Variants in KIAA0513 observed in about 807,000 individuals in gnomAD.
The protein encoded by KIAA0513 is KIAA0513.
A neutral mutation model predicts 56.5 loss-of-function variants in KIAA0513; 39 were observed. The observed-to-expected ratio is 0.69, with a 90% CI of 0.53 to 0.90. KIAA0513 has a LOEUF of 0.90. Among genes scored for constraint, KIAA0513 ranks in the 40% least tolerant of loss-of-function variants. The pLI, the probability that KIAA0513 is intolerant of heterozygous loss-of-function variation, is 0.00. For missense variants in KIAA0513, 591 were observed against 535.2 expected, an observed-to-expected ratio of 1.10 and a Z score of -1.03; for synonymous variants, 268 against 215.6, an observed-to-expected ratio of 1.24 and a Z score of -2.13.
At chr16:85,034,993 C>A (rs2073015076) in intron 1 of KIAA0513, among the ~76,000 whole-genome samples, 1 of 152,196 alleles carries the variant, frequency 6.6e-6, no homozygotes, top group Non-Finnish European at 1.5e-5. Flanking sequence ...GGGCGCTGGG[C>A]CCCTAAGCCC....
intron 1 of KIAA0513, among the ~76,000 whole-genome samples, chr16:85,064,539 A>C (rs2073451509): frequency 6.6e-6 from 1 of 152,184 alleles, no homozygotes; most frequent in African/African-American, 2.4e-5. Context: ...GAGAATGTTA[A>C]TTTTACCATA....
intron 1 of KIAA0513, among the ~76,000 whole-genome samples, chr16:85,037,116 A>G (rs963356274): frequency 6.6e-6 from 1 of 152,110 alleles, no homozygotes; most frequent in Non-Finnish European, 1.5e-5. Context: ...GACTAAGTCC[A>G]TGTAGGAAAG....
chr16:85,046,222 G>T (rs1295656131), intron 1 of KIAA0513, among the ~76,000 whole-genome samples: 1 of 152,208 alleles, frequency 6.6e-6, no homozygotes. Context: ...TTTCTGGGCA[G>T]TGCGGCTGCA....
intron 1 of KIAA0513, among the ~76,000 whole-genome samples, chr16:85,056,642 C>A (rs2143953003): frequency 6.6e-6 from 1 of 152,286 alleles, no homozygotes; most frequent in South Asian, 2.1e-4. Context: ...TCGCCGAGAG[C>A]CCTTTGTTCA....
At chr16:85,042,620 A>T (rs536439076) in intron 1 of KIAA0513, among the ~76,000 whole-genome samples, 5 of 152,244 alleles carry the variant, frequency 3.3e-5, no homozygotes, top group African/African-American at 1.2e-4. Flanking sequence ...GGAGAATGAA[A>T]TCAGATAATT....
chr16:85,032,780 G>C (rs1374048695), intron 1 of KIAA0513, among the ~76,000 whole-genome samples: 1 of 152,112 alleles, frequency 6.6e-6, no homozygotes, highest in Non-Finnish European at 1.5e-5. Context: ...ACAAGTGCCT[G>C]CCACCACTCC....
At chr16:85,073,494 A>G (rs1268043149) in intron 4 of KIAA0513, among the ~76,000 whole-genome samples, 1 of 152,218 alleles carries the variant, frequency 6.6e-6, no homozygotes, top group Non-Finnish European at 1.5e-5. Flanking sequence ...TGGAAAGGGC[A>G]TGGCTGCCAG....
At chr16:85,071,274 C>T (rs1389350558) in intron 2 of KIAA0513, among the ~76,000 whole-genome samples, 6 of 152,306 alleles carry the variant, frequency 3.9e-5, no homozygotes, top group South Asian at 2.1e-4. Flanking sequence ...GATGAGCGAG[C>T]GCCCCGCTGA....
intron 1 of KIAA0513, among the ~76,000 whole-genome samples, chr16:85,049,162 G>C (rs1484902170): frequency 6.6e-6 from 1 of 152,250 alleles, no homozygotes; most frequent in Non-Finnish European, 1.5e-5. Context: ...GCCCCAGCCA[G>C]AGATGGCAGG....
intron 1 of KIAA0513, among the ~76,000 whole-genome samples, chr16:85,050,861 A>G (rs1353071030): frequency 6.6e-6 from 1 of 152,186 alleles, no homozygotes; most frequent in African/African-American, 2.4e-5. Context: ...GGCGTTTACA[A>G]ATGGACCCAG....
chr16:85,030,397 G>A (rs1041903785), intron 1 of KIAA0513, among the ~76,000 whole-genome samples: 6 of 152,098 alleles, frequency 3.9e-5, no homozygotes, highest in Non-Finnish European at 8.8e-5. Flanking sequence ...TTGTTTATTC[G>A]AAACCGTTTT....
intron 1 of KIAA0513, among the ~76,000 whole-genome samples, chr16:85,043,468 G>C (rs910729932): frequency 2.4e-4 from 34 of 139,892 alleles, no homozygotes; most frequent in African/African-American, 9.2e-4. Context: ...CTGGAGTGCA[G>C]TGGTGCCATC....
chr16:85,054,949 GTC>G (rs1378339393), intron 1 of KIAA0513, among the ~76,000 whole-genome samples: 1 of 152,052 alleles, frequency 6.6e-6, no homozygotes, highest in Admixed American at 6.6e-5. Flanking sequence ...TTGAGGCAGG[GTC>G]TCTCTCTGTT....
At chr16:85,074,902 A>C (rs1266296050) in intron 4 of KIAA0513, among the ~76,000 whole-genome samples, 1 of 152,044 alleles carries the variant, frequency 6.6e-6, no homozygotes, top group Non-Finnish European at 1.5e-5. Context: ...GGCTAAAAGT[A>C]ATTCTCCATT....
At position 85,079,014 on chromosome 16, in the gene KIAA0513, G is replaced by A; in HGVS notation, c.902+11G>A. 3 of 1,614,126 alleles carry A rather than the reference G, an allele frequency of 1.9e-6. No homozygotes were observed. The highest frequency in any genetic ancestry group is 2.5e-6 in the Non-Finnish European group (3 of 1,180,022). ...GCAACAGCCCATCTGGTAAGGCCGA[G>A]CCCGCGGCTTCCCGTCACCCTCTTA... is the stretch of plus-strand genomic sequence containing the variant. On this transcript the variant is annotated intron_variant, in intron 8 of 12. Coordinates refer to ENST00000683363, the MANE Select transcript of KIAA0513 (RefSeq NM_001388359.1).
intron 1 of KIAA0513, among the ~76,000 whole-genome samples, chr16:85,051,408 T>C (rs531203278): frequency 6.6e-6 from 1 of 152,358 alleles, no homozygotes; most frequent in East Asian, 1.9e-4. Flanking sequence ...TATAAAATGT[T>C]ATCTCAGAAG....
At chr16:85,038,099 G>T (rs1168126948) in intron 1 of KIAA0513, among the ~76,000 whole-genome samples, 1 of 152,172 alleles carries the variant, frequency 6.6e-6, no homozygotes, top group African/African-American at 2.4e-5. Context: ...CCATGGGCTG[G>T]TCCCTGTAGC....
At chr16:85,054,421 C>CTTTTTTTTTTTTTTTTTTTTTTTTTTTT (rs398042273) in intron 1 of KIAA0513, among the ~76,000 whole-genome samples, 4 of 119,554 alleles carry the variant, frequency 3.3e-5, no homozygotes, top group Admixed American at 9.0e-5. Flanking sequence ...TTTTTCTTTT[C>CTTTTTTTTTTTTTTTTTTTTTTTTTTTT]TTTTTTTTTT....
At chr16:85,069,210 T>G (rs1022165931) in intron 2 of KIAA0513, among the ~76,000 whole-genome samples, 2 of 151,366 alleles carry the variant, frequency 1.3e-5, no homozygotes, top group African/African-American at 4.9e-5. Flanking sequence ...TTTTTGTGTT[T>G]TTTTTTTTTT....
Sources: gnomAD v4.1 joint callset for allele counts (sites outside exome capture counted in the v4.1 genomes callset) on GRCh38, gnomAD v4.1.1 for gene constraint, MANE v1.5 for transcripts, NCBI Gene and HGNC (gene_info 2026-07-23, HGNC 2026-07-21) for gene names.